The following TMEM117 variants were observed in gnomAD, a reference collection of about 807,000 sequenced individuals.
TMEM117 encodes the protein transmembrane protein 117.
In TMEM117, 27 loss-of-function variants were observed where a neutral mutation model predicts 52.4. That is an observed-to-expected ratio of 0.51 (90% confidence interval 0.38 to 0.71). The LOEUF (loss-of-function observed/expected upper bound fraction) is 0.71. Ranked by LOEUF, TMEM117 falls within the 30% of genes least tolerant of loss-of-function variation. The pLI is 0.00. For missense variants in TMEM117, 556 were observed against 630.5 expected, an observed-to-expected ratio of 0.88 and a Z score of 1.26; for synonymous variants, 215 against 206.3, an observed-to-expected ratio of 1.04 and a Z score of -0.36.
At chr12:44,032,373 T>A (rs1001832547) in intron 3 of TMEM117, among the ~76,000 whole-genome samples, 5 of 152,230 alleles carry the variant, frequency 3.3e-5, no homozygotes, top group African/African-American at 1.2e-4. Flanking sequence ...TAAGTTTGTT[T>A]CTTCAATTTA....
At position 44,220,177 on chromosome 12, in the gene TMEM117, A is replaced by G. The variant is rs553692296; in HGVS notation, c.608+8790A>G. The stretch of plus-strand genomic sequence containing the variant: ...TTAATATGAAGGGAACTAGACATGC[A>G]CAACTGTATTCTAGTTGGTAGAGTT... On this transcript the variant is annotated intron_variant, in intron 5 of 7. Coordinates refer to ENST00000266534, the MANE Select transcript of TMEM117 (RefSeq NM_032256.3). Among the ~76,000 whole-genome samples the G allele has an allele frequency of 3.9e-5, 6 of 152,294 alleles. No individual in the cohort carries two copies. The East Asian group carries it at 9.6e-4, about 24-fold the overall frequency.
chr12:44,177,806 G>A (rs537465539), intron 4 of TMEM117, among the ~76,000 whole-genome samples: 1 of 152,182 alleles, frequency 6.6e-6, no homozygotes, highest in Non-Finnish European at 1.5e-5. Context: ...AATAGACTAT[G>A]CTTCGATGCC....
chr12:44,148,515 A>G (rs1052871284), intron 4 of TMEM117, among the ~76,000 whole-genome samples: 1 of 152,188 alleles, frequency 6.6e-6, no homozygotes, highest in Non-Finnish European at 1.5e-5. Context: ...TGTCTATTTT[A>G]TGTATAAGTA....
chr12:43,906,462 CAAA>C (rs3064352), intron 2 of TMEM117, among the ~76,000 whole-genome samples: 1 of 141,376 alleles, frequency 7.1e-6, no homozygotes. Flanking sequence ...GACGCTGTCT[CAAA>C]AAAAAAAAAA....
At chr12:44,191,140 A>G (rs1010215597) in intron 4 of TMEM117, among the ~76,000 whole-genome samples, 31 of 152,072 alleles carry the variant, frequency 2.0e-4, no homozygotes, top group Admixed American at 7.9e-4. Context: ...GATGGCAGGA[A>G]GAAGAAGAAT....
At chr12:44,279,138 G>A (rs1950548925) in intron 5 of TMEM117, among the ~76,000 whole-genome samples, 1 of 152,126 alleles carries the variant, frequency 6.6e-6, no homozygotes, top group Admixed American at 6.5e-5. Flanking sequence ...TCTTAATAAG[G>A]AAATGATAAA....
At chr12:44,362,999 C>T (rs1235610619) in intron 6 of TMEM117, among the ~76,000 whole-genome samples, 1 of 152,010 alleles carries the variant, frequency 6.6e-6, no homozygotes, top group East Asian at 1.9e-4. Flanking sequence ...ACTACAGGTG[C>T]ATGCCACCAC....
At chr12:43,833,798 GA>G (rs529624445), upstream of TMEM117, among the ~76,000 whole-genome samples, 82 of 145,514 alleles carry the variant, frequency 5.6e-4, no homozygotes, top group South Asian at 7.9e-3. Flanking sequence ...CTTTAAAAAA[GA>G]AAAAAAAAAT....
the TMEM117 span, among the ~76,000 whole-genome samples, chr12:44,395,544 T>C: frequency 1.3e-5 from 2 of 152,230 alleles, no homozygotes; most frequent in East Asian, 3.8e-4. Flanking sequence ...GCAGTGGTTT[T>C]CAAAAGTATT....
chr12:44,195,889 A>AAAAT (rs71091196), intron 4 of TMEM117, among the ~76,000 whole-genome samples: 5,208 of 136,532 alleles, frequency 0.038, 135 homozygotes, highest in East Asian at 0.12. Flanking sequence ...CCCTGTCTCT[A>AAAAT]AAATAAATAA....
chr12:43,830,948 C>T, the TMEM117 span, among the ~76,000 whole-genome samples: 7 of 152,136 alleles, frequency 4.6e-5, no homozygotes, highest in Admixed American at 1.3e-4. Flanking sequence ...TTTCAGAGCA[C>T]GGGTTCTAGT....
the TMEM117 span, chr12:43,799,341 A>T: frequency 1.7e-6 from 2 of 1,153,500 alleles, no homozygotes; most frequent in Non-Finnish European, 2.5e-6. Flanking sequence ...TATTAATTAA[A>T]AATACAGTAT....
chr12:44,354,833 A>G (rs1951622017), intron 6 of TMEM117, among the ~76,000 whole-genome samples: 1 of 152,032 alleles, frequency 6.6e-6, no homozygotes, highest in African/African-American at 2.4e-5. Flanking sequence ...AAATCACTGA[A>G]AACAAAGTGC....
intron 5 of TMEM117, among the ~76,000 whole-genome samples, chr12:44,248,008 A>G (rs1201894407): frequency 6.6e-6 from 1 of 152,096 alleles, no homozygotes; most frequent in African/African-American, 2.4e-5. Flanking sequence ...GAGAATGAGG[A>G]CTTGGGTTAT....
At chr12:43,854,260 G>A (rs548433699) in intron 2 of TMEM117, among the ~76,000 whole-genome samples, 1 of 152,228 alleles carries the variant, frequency 6.6e-6, no homozygotes, top group East Asian at 1.9e-4. Flanking sequence ...GGGGCTGCCT[G>A]CAATAATTCT....
chr12:44,009,728 G>T, intron 3 of TMEM117: 1 of 258,380 alleles, frequency 3.9e-6, no homozygotes. Flanking sequence ...CTCATGGGCT[G>T]TGACCTTATT....
rs140378230 is a variant in TMEM117, at chr12:43,983,807, C to A, written c.410+39465C>A. Among the ~76,000 whole-genome samples, 945 of 151,710 alleles carry A rather than the reference C, an allele frequency of 6.2e-3. 3 individuals carry two copies. Among genetic ancestry groups the A allele is most frequent in the Middle Eastern group, 0.017 (5 of 294 alleles). On this transcript the variant is annotated intron_variant, in intron 3 of 7. Transcript: ENST00000266534. ...AAGGTAAATAACTTGTCCAAGGTCACAGTTAGCACTTTACACTCCAGTCTA... is the reference window on the plus strand; with the variant it reads ...AAGGTAAATAACTTGTCCAAGGTCAAAGTTAGCACTTTACACTCCAGTCTA...
intron 3 of TMEM117, among the ~76,000 whole-genome samples, chr12:43,945,283 T>A (rs574729776): frequency 1.5e-4 from 23 of 152,266 alleles, no homozygotes; most frequent in African/African-American, 5.5e-4. Context: ...AACACAAGGA[T>A]TGGTCTTTCA....
downstream of TMEM117, among the ~76,000 whole-genome samples, chr12:44,389,986 T>C (rs1565788784): frequency 6.6e-6 from 1 of 152,118 alleles, no homozygotes; most frequent in Non-Finnish European, 1.5e-5. Flanking sequence ...GCATTTTTTC[T>C]TTATGATTTT....
Sources: allele counts gnomAD v4.1 joint callset (sites outside exome capture counted in the v4.1 genomes callset), GRCh38; gene constraint gnomAD v4.1.1; transcripts MANE v1.5; gene names NCBI Gene and HGNC (gene_info 2026-07-23, HGNC 2026-07-21).